Variants in NXPH1 observed in about 807,000 individuals in gnomAD.
NXPH1 encodes neurexophilin 1.
NXPH1 carries 5 observed loss-of-function variants against 23.7 expected under a neutral mutation model. The ratio of observed to expected loss-of-function variants is 0.21; its 90% confidence interval spans 0.11 to 0.44. The LOEUF is 0.44. NXPH1 is among the 20% of genes least tolerant of loss of function. The pLI is 0.99. For synonymous variants in NXPH1, 144 were observed against 122.2 expected, an observed-to-expected ratio of 1.18 and a Z score of -1.18; for missense variants, 324 against 321.6, an observed-to-expected ratio of 1.01 and a Z score of -0.06.
At chr7:8,558,486 C>A (rs532298028) in intron 2 of NXPH1, among the ~76,000 whole-genome samples, 1 of 151,542 alleles carries the variant, frequency 6.6e-6, no homozygotes, top group African/African-American at 2.4e-5. Context: ...GACATTGGAG[C>A]CAATAAAGCT....
At chr7:8,611,756 G>T (rs1819627439) in intron 2 of NXPH1, among the ~76,000 whole-genome samples, 1 of 152,098 alleles carries the variant, frequency 6.6e-6, no homozygotes, top group Non-Finnish European at 1.5e-5. Flanking sequence ...GTAAAGTGAT[G>T]ATAGGAGACT....
chr7:8,602,878 G>A (rs1819391987), intron 2 of NXPH1, among the ~76,000 whole-genome samples: 1 of 152,024 alleles, frequency 6.6e-6, no homozygotes, highest in South Asian at 2.1e-4. Context: ...GCCCAGGCTG[G>A]AGTGCAGTGG....
intron 2 of NXPH1, among the ~76,000 whole-genome samples, chr7:8,438,377 A>T (rs897223835): frequency 6.6e-6 from 1 of 152,248 alleles, no homozygotes; most frequent in Non-Finnish European, 1.5e-5. Flanking sequence ...TTTAAGTTAC[A>T]TTCAAAGAAG....
At chr7:8,556,138 G>C (rs913331944) in intron 2 of NXPH1, among the ~76,000 whole-genome samples, 7 of 151,560 alleles carry the variant, frequency 4.6e-5, no homozygotes, top group Admixed American at 2.0e-4. Flanking sequence ...TATGGCTATT[G>C]ATCCAAAAAT....
At chr7:8,446,535 T>TTC (rs1816406708) in intron 2 of NXPH1, among the ~76,000 whole-genome samples, 4 of 152,218 alleles carry the variant, frequency 2.6e-5, no homozygotes, top group Non-Finnish European at 5.9e-5. Flanking sequence ...AGTAAAGGAA[T>TTC]AGAGGTTTTG....
At chr7:8,687,090 G>A (rs138017569) in intron 2 of NXPH1, among the ~76,000 whole-genome samples, 4 of 152,206 alleles carry the variant, frequency 2.6e-5, no homozygotes, top group Non-Finnish European at 4.4e-5. Context: ...TTTGACTTCA[G>A]CAGATATGTA....
At chr7:8,737,960 C>T (rs573835368) in intron 2 of NXPH1, among the ~76,000 whole-genome samples, 44 of 152,300 alleles carry the variant, frequency 2.9e-4, no homozygotes, top group African/African-American at 1.0e-3. Context: ...ATGAAGTTCT[C>T]GTGCTGTGTT....
rs555644861 is a variant in NXPH1 at position 8,577,227 on chromosome 7, T to A, written c.54+141460T>A. ...GATTGACTTTGGCAGTTTCTAATCC[T>A]CTTATCGTTTCTTTTAATATAAGTG... is the stretch of plus-strand genomic sequence containing the variant. On this transcript the variant is annotated intron_variant, in intron 2 of 2. Coordinates refer to ENST00000405863, the MANE Select transcript of NXPH1 (RefSeq NM_152745.3). Among the ~76,000 whole-genome samples the A allele has an allele frequency of 1.5e-3, 235 of 152,262 alleles. 2 individuals carry two copies. The highest frequency in any genetic ancestry group is 5.4e-3 in the African/African-American group (224 of 41,532).
At chr7:8,441,155 T>C (rs1816290699) in intron 2 of NXPH1, among the ~76,000 whole-genome samples, 1 of 152,106 alleles carries the variant, frequency 6.6e-6, no homozygotes, top group Admixed American at 6.5e-5. Flanking sequence ...TCCTCGCCGT[T>C]CTAATTAAGG....
intron 2 of NXPH1, among the ~76,000 whole-genome samples, chr7:8,489,874 C>T (rs967375799): frequency 2.0e-5 from 3 of 152,058 alleles, no homozygotes; most frequent in African/African-American, 7.2e-5. Flanking sequence ...ATCTCAATAG[C>T]TTTGCTGGGT....
intron 2 of NXPH1, among the ~76,000 whole-genome samples, chr7:8,739,810 T>C (rs1002002162): frequency 5.9e-5 from 9 of 152,250 alleles, no homozygotes; most frequent in Admixed American, 5.2e-4. Context: ...TAAATTTTTA[T>C]ATCTTTTGCT....
At chr7:8,494,505 T>C (rs1383577181) in intron 2 of NXPH1, among the ~76,000 whole-genome samples, 2 of 152,046 alleles carry the variant, frequency 1.3e-5, no homozygotes, top group African/African-American at 4.8e-5. Flanking sequence ...TTCATAGATA[T>C]TTAATGATAT....
intron 2 of NXPH1, among the ~76,000 whole-genome samples, chr7:8,705,131 G>A (rs1329705730): frequency 6.6e-6 from 1 of 152,128 alleles, no homozygotes; most frequent in Non-Finnish European, 1.5e-5. Context: ...GGTAAAGCAA[G>A]CCAGGCATGT....
chr7:8,455,454 G>T (rs1816578955), intron 2 of NXPH1, among the ~76,000 whole-genome samples: 1 of 152,134 alleles, frequency 6.6e-6, no homozygotes, highest in Non-Finnish European at 1.5e-5. Context: ...TCTTTTAATG[G>T]AAATCAGGAC....
chr7:8,601,547 T>C (rs971869020), intron 2 of NXPH1, among the ~76,000 whole-genome samples: 1 of 152,204 alleles, frequency 6.6e-6, no homozygotes, highest in African/African-American at 2.4e-5. Flanking sequence ...GACCAAGGTA[T>C]ATTATTCCAG....
intron 2 of NXPH1, among the ~76,000 whole-genome samples, chr7:8,487,599 T>C (rs1817180239): frequency 6.6e-6 from 1 of 152,160 alleles, no homozygotes; most frequent in African/African-American, 2.4e-5. Flanking sequence ...TCTACTTCCA[T>C]ACTACTTATG....
At chr7:8,641,407 G>C (rs1820308851) in intron 2 of NXPH1, among the ~76,000 whole-genome samples, 1 of 152,078 alleles carries the variant, frequency 6.6e-6, no homozygotes. Context: ...GCCATGGTGG[G>C]AGTATTTCTA....
intron 2 of NXPH1, among the ~76,000 whole-genome samples, chr7:8,562,556 C>G (rs949998299): frequency 1.3e-5 from 2 of 148,676 alleles, no homozygotes; most frequent in African/African-American, 4.9e-5. Context: ...CCGTAACTTT[C>G]TTAAATGTGA....
intron 2 of NXPH1, among the ~76,000 whole-genome samples, chr7:8,577,492 A>G (rs537592726): frequency 2.0e-5 from 3 of 152,300 alleles, no homozygotes; most frequent in African/African-American, 7.2e-5. Context: ...TTTACTGTTT[A>G]CATCAAAAAC....
Sources: allele counts gnomAD v4.1 joint callset (sites outside exome capture counted in the v4.1 genomes callset), GRCh38; gene constraint gnomAD v4.1.1; transcripts MANE v1.5; gene names NCBI Gene and HGNC (gene_info 2026-07-23, HGNC 2026-07-21).